Variants in LRP5 observed in about 807,000 individuals in gnomAD.
LRP5 encodes the protein low-density lipoprotein receptor-related protein 5.
Under a neutral mutation model 154.1 loss-of-function variants are expected in LRP5, and 62 were observed. The ratio of observed to expected loss-of-function variants is 0.40; its 90% CI spans 0.33 to 0.50. The LOEUF is 0.50. Ranked by LOEUF, LRP5 falls within the 20% of genes least tolerant of loss-of-function variation. The pLI is 0.55. For synonymous variants in LRP5, 966 were observed against 1,011.5 expected (o/e 0.96, Z 0.85); for missense variants, 1,915 against 2,336.7 (o/e 0.82, Z 3.72).
intron 5 of LRP5, among the ~76,000 whole-genome samples, chr11:68,377,864 G>A (rs1490938925): frequency 1.1e-3 from 1 of 880 alleles, no homozygotes; most frequent in African/African-American, 2.6e-3. Flanking sequence ...AGCTTTCCCC[G>A]GATCTCAGCT....
chr11:68,415,348 A>G (rs1014392267), intron 12 of LRP5, among the ~76,000 whole-genome samples: 2 of 152,330 alleles, frequency 1.3e-5, no homozygotes, highest in Middle Eastern at 3.4e-3. Flanking sequence ...ACATAGGCAC[A>G]TAGCAAACCG....
chr11:68,364,214 C>G (rs917567499), intron 4 of LRP5, among the ~76,000 whole-genome samples: 2 of 151,882 alleles, frequency 1.3e-5, no homozygotes, highest in African/African-American at 4.8e-5. Context: ...ATTTCAGGCT[C>G]AGCAGTGGCA....
upstream of LRP5, among the ~76,000 whole-genome samples, chr11:68,309,268 T>A (rs972818663): frequency 1.3e-5 from 2 of 148,676 alleles, no homozygotes; most frequent in Non-Finnish European, 3.0e-5. Context: ...AGTCTTGCTC[T>A]GTCGCCCAAG....
chr11:68,423,438 GC>G lies in LRP5; in HGVS notation c.3028-48del, dbSNP rs2098666974. The G allele has an allele frequency of 6.4e-7, 1 of 1,559,398 alleles. No homozygotes were observed. Among genetic ancestry groups the G allele is most frequent in the Non-Finnish European group, 8.8e-7 (1 of 1,130,504 alleles). On this transcript the variant is annotated intron_variant, in intron 13 of 22. Coordinates refer to ENST00000294304, the MANE Select transcript of LRP5 (RefSeq NM_002335.4). The surrounding 1 kb of genome is among the most constrained non-coding windows in gnomAD (Gnocchi z 4.7). ...GCCAGTGCCAGGGGTCTCCGCCAGTGCCCAGGGGTCTCCGCCAGTGCTCAGG... is the reference window on the plus strand; with the variant it reads ...GCCAGTGCCAGGGGTCTCCGCCAGTGCCAGGGGTCTCCGCCAGTGCTCAGG...
chr11:68,362,674 G>C (rs1390210308), intron 3 of LRP5, among the ~76,000 whole-genome samples: 1 of 150,066 alleles, frequency 6.7e-6, no homozygotes, highest in Non-Finnish European at 1.5e-5. Context: ...CTGGGTGACA[G>C]AGTGAGACCC....
At chr11:68,432,742 T>TG (rs2098672644) in intron 17 of LRP5, among the ~76,000 whole-genome samples, 1 of 152,144 alleles carries the variant, frequency 6.6e-6, no homozygotes, top group African/African-American at 2.4e-5. Flanking sequence ...TCCTAGGAAA[T>TG]GGGGGGCCAC....
chr11:68,395,129 C>T (rs974556916), intron 7 of LRP5, among the ~76,000 whole-genome samples: 2 of 151,932 alleles, frequency 1.3e-5, no homozygotes, highest in Admixed American at 6.6e-5. Context: ...GGTGAGACCC[C>T]GTCTCTACTA....
intron 18 of LRP5, among the ~76,000 whole-genome samples, chr11:68,435,714 C>T (rs1474172780): frequency 6.6e-6 from 1 of 152,184 alleles, no homozygotes; most frequent in Admixed American, 6.5e-5. Context: ...CCATGCCATG[C>T]CATGCCATGC....
At chr11:68,426,555 G>A (rs560238008) in intron 16 of LRP5, among the ~76,000 whole-genome samples, 1 of 151,888 alleles carries the variant, frequency 6.6e-6, no homozygotes, top group Non-Finnish European at 1.5e-5. Flanking sequence ...AGCCTCCCAG[G>A]TAGCTGGGAC....
At chr11:68,446,723 T>C (rs959953227) in intron 22 of LRP5, among the ~76,000 whole-genome samples, 190 bp downstream of exon 22, 1 of 152,222 alleles carries the variant, frequency 6.6e-6, no homozygotes, top group African/African-American at 2.4e-5. Flanking sequence ...CAGCGGGCAC[T>C]GCATGTTGGG....
Position 68,347,983 on chromosome 11 carries a change from C to T in LRP5, c.228C>T (p.Ala76=), listed in dbSNP as rs564857130. Residue 76 remains alanine (A), a synonymous_variant, in exon 2 of 23, where the codon GCC becomes GCT. Transcript: ENST00000294304. Reference sequence around the variant, plus strand: ...TGGACTTCCAGTTTTCCAAGGGAGCCGTGTACTGGACAGACGTGAGCGAGG... The same window carrying T: ...TGGACTTCCAGTTTTCCAAGGGAGCTGTGTACTGGACAGACGTGAGCGAGG... ...AAVDFQFSKG[A]VYWTDVSEEA... is the part of the protein sequence containing the mutation. The T allele has an allele frequency of 4.0e-5, 64 of 1,614,156 alleles. No homozygotes were observed. In the South Asian group the frequency reaches 5.6e-4, roughly 14 times the overall value.
intron 15 of LRP5, 65 bp from the exon 16 acceptor site, chr11:68,425,913 A>G (rs2098668488): frequency 3.5e-6 from 5 of 1,432,938 alleles, no homozygotes; most frequent in Non-Finnish European, 4.9e-6. Flanking sequence ...CTGTCCTCCC[A>G]AGCTGAGTGT....
At chr11:68,322,011 A>G (rs1250056714) in intron 1 of LRP5, among the ~76,000 whole-genome samples, 2 of 152,158 alleles carry the variant, frequency 1.3e-5, no homozygotes, top group African/African-American at 2.4e-5. Flanking sequence ...TAACGTCCTC[A>G]CTGTACGAGA....
At position 68,423,746 on chromosome 11, in the gene LRP5, G is replaced by A. The variant is rs765455646; in HGVS notation, c.3236+49G>A. The A allele has an allele frequency of 1.9e-5, 30 of 1,549,068 alleles. No homozygotes were observed. Among genetic ancestry groups the A allele is most frequent in the Admixed American group, 3.4e-5 (2 of 59,088 alleles). On this transcript the variant is annotated intron_variant, in intron 14 of 22. Transcript: ENST00000294304. This position sits in a 1 kb window ranked among gnomAD's most constrained non-coding sequence, Gnocchi z 4.7. ...GGGTGCTGCCCGTCCAGGCGTGCCCGCCGTGTCTTCTGCCGAATGCCAGCC... is the reference window on the plus strand; with the variant it reads ...GGGTGCTGCCCGTCCAGGCGTGCCCACCGTGTCTTCTGCCGAATGCCAGCC...
intron 21 of LRP5, among the ~76,000 whole-genome samples, chr11:68,445,373 A>C (rs1317000723): frequency 6.6e-6 from 1 of 152,106 alleles, no homozygotes; most frequent in East Asian, 1.9e-4. Flanking sequence ...GTGCTAGGTC[A>C]AGCCCATTTT....
In LRP5 at chr11:68,390,236, C is replaced by T. The variant is rs79762316; in HGVS notation, c.1584+184C>T. Among the ~76,000 whole-genome samples, 517 of 152,342 alleles carry T rather than the reference C, an allele frequency of 3.4e-3. 3 individuals carry two copies. The highest frequency in any genetic ancestry group is 0.012 in the African/African-American group (484 of 41,584). On this transcript the variant is annotated intron_variant, in intron 7 of 22. Coordinates refer to ENST00000294304, the MANE Select transcript of LRP5 (RefSeq NM_002335.4). ...GCCTTGAGAGGGTAGCGCTATACAACGTCCTGTGGTTACGTAAGATGTTAT... is the reference window on the plus strand; with the variant it reads ...GCCTTGAGAGGGTAGCGCTATACAATGTCCTGTGGTTACGTAAGATGTTAT...
upstream of LRP5, among the ~76,000 whole-genome samples, chr11:68,309,937 C>T (rs767512779): frequency 2.0e-5 from 3 of 152,232 alleles, no homozygotes; most frequent in Non-Finnish European, 4.4e-5. Context: ...AGATCAGATC[C>T]TTTCACTGTA....
intron 1 of LRP5, among the ~76,000 whole-genome samples, chr11:68,318,046 T>A (rs1312483146): frequency 2.6e-5 from 4 of 152,052 alleles, no homozygotes; most frequent in Non-Finnish European, 4.4e-5. Flanking sequence ...AATGTAATTT[T>A]TTTTGAGATT....
At chr11:68,357,301 G>A (rs1228165812) in intron 2 of LRP5, among the ~76,000 whole-genome samples, 5 of 144,056 alleles carry the variant, frequency 3.5e-5, no homozygotes, top group African/African-American at 1.2e-4. Context: ...CCTTTTAGAG[G>A]TTCATTTACA....
Sources: allele counts gnomAD v4.1 joint callset (sites outside exome capture counted in the v4.1 genomes callset), GRCh38; gene constraint gnomAD v4.1.1; non-coding constraint Gnocchi (gnomAD v3.1); transcripts MANE v1.5; gene names NCBI Gene and HGNC (gene_info 2026-07-23, HGNC 2026-07-21).